Variants in FLRT2 observed in about 807,000 individuals in gnomAD.
FLRT2 encodes fibronectin leucine rich transmembrane protein 2, also known as leucine-rich repeat transmembrane protein FLRT2.
Under a neutral mutation model 40.0 loss-of-function variants are expected in FLRT2, and 15 were observed. The observed-to-expected ratio is 0.38, with a 90% confidence interval of 0.25 to 0.58. FLRT2 has a LOEUF of 0.58. Among genes scored for constraint, FLRT2 ranks in the 20% least tolerant of loss-of-function variants. The pLI is 0.71. For synonymous variants in FLRT2, 380 were observed against 336.8 expected (o/e 1.13, Z -1.41); for missense variants, 726 against 840.0 (o/e 0.86, Z 1.68).
intron 1 of FLRT2, among the ~76,000 whole-genome samples, chr14:85,534,886 A>G (rs915220486): frequency 1.4e-5 from 2 of 141,812 alleles, no homozygotes; most frequent in Non-Finnish European, 3.0e-5. Context: ...AAAGCAGCTC[A>G]GCGTTTGCTG....
At chr14:85,570,767 A>G (rs920316221) in intron 1 of FLRT2, among the ~76,000 whole-genome samples, 6 of 151,168 alleles carry the variant, frequency 4.0e-5, no homozygotes, top group Non-Finnish European at 7.4e-5. Context: ...ATTTTTTTTT[A>G]GTAGAGACGG....
rs781639291 is a variant in FLRT2 at position 85,630,285 on chromosome 14, C to CTTTTTTTTTTTTTTTTTTTT, written c.*6791_*6810dup. The CTTTTTTTTTTTTTTTTTTTT allele has an allele frequency of 1.1e-5, 1 of 93,456 alleles. No individual in the cohort carries two copies. The highest frequency in any genetic ancestry group is 2.0e-5 in the Non-Finnish European group (1 of 50,462). The allele number at this position is 93,456 out of a possible 1,614,324, so 5.8% of individuals were successfully genotyped here. A position where few individuals can be genotyped will look rare whatever the true frequency, so the allele number is the denominator to read the frequency against. ...CATACCAATGGGTGATCATATCTGT[C>CTTTTTTTTTTTTTTTTTTTT]TTTTTTTTTTTTTTTTTTTTTTGGT... On this transcript the variant is annotated 3_prime_UTR_variant, in exon 2 of 2. Coordinates refer to ENST00000330753, the MANE Select transcript of FLRT2 (RefSeq NM_013231.6).
rs1191489418 is a variant in FLRT2, at chr14:85,653,462, A to G, written c.*29965A>G. The G allele has an allele frequency of 6.6e-6, 1 of 152,178 alleles. No individual in the cohort carries two copies. Among genetic ancestry groups the G allele is most frequent in the Non-Finnish European group, 1.5e-5 (1 of 68,018 alleles). The allele number at this position is 152,178 out of a possible 1,614,324, so 9.4% of individuals were successfully genotyped here. Reference sequence around the variant, plus strand: ...ATAAACTTCCTAGCAAGTGATCTCTAGCATCTCAATTTAACTGTATCCTTT... The same window carrying G: ...ATAAACTTCCTAGCAAGTGATCTCTGGCATCTCAATTTAACTGTATCCTTT... On this transcript the variant is annotated 3_prime_UTR_variant, in exon 2 of 2. Coordinates refer to ENST00000330753, the MANE Select transcript of FLRT2 (RefSeq NM_013231.6).
rs1411232560 is a variant in FLRT2, at chr14:85,530,250, C to G, written c.-661C>G. 1.3e-5 allele frequency: 2 copies of G among 152,662 alleles called. No homozygotes were observed. Among genetic ancestry groups the G allele is most frequent in the Non-Finnish European group, 2.9e-5 (2 of 68,058 alleles). 9.5% of individuals were successfully genotyped at this position (152,662 alleles called of 1,614,324 possible). On this transcript the variant is annotated 5_prime_UTR_variant, in exon 1 of 2. Transcript: ENST00000330753. The stretch of plus-strand genomic sequence containing the variant: ...TATCATCAGTGCCCGCAAATCTCCG[C>G]GCCAAGGCGCTGAGCTACTCCTTTC...
At chr14:85,619,491 T>C (rs1037666146) in intron 1 of FLRT2, among the ~76,000 whole-genome samples, 3 of 152,016 alleles carry the variant, frequency 2.0e-5, no homozygotes, top group African/African-American at 7.2e-5. Context: ...AAAAAATGAG[T>C]TTTACCTTTT....
At chr14:85,609,808 C>T (rs150296397) in intron 1 of FLRT2, among the ~76,000 whole-genome samples, 43 of 152,304 alleles carry the variant, frequency 2.8e-4, no homozygotes, top group African/African-American at 9.6e-4. Context: ...CTTCTAGAAA[C>T]GTGTCAAACT....
chr14:85,538,816 G>A (rs1021897350), intron 1 of FLRT2, among the ~76,000 whole-genome samples: 2 of 152,026 alleles, frequency 1.3e-5, no homozygotes, highest in East Asian at 1.9e-4. Flanking sequence ...AACATTAGAC[G>A]CATATCAGTC....
chr14:85,591,784 G>A (rs1236084030), intron 1 of FLRT2, among the ~76,000 whole-genome samples: 1 of 152,132 alleles, frequency 6.6e-6, no homozygotes, highest in Non-Finnish European at 1.5e-5. Flanking sequence ...GCAACTAAAT[G>A]TTTCTTCTTA....
At chr14:85,534,311 C>T (rs916780529) in intron 1 of FLRT2, among the ~76,000 whole-genome samples, 3 of 152,154 alleles carry the variant, frequency 2.0e-5, no homozygotes, top group Admixed American at 6.5e-5. Flanking sequence ...TCATGGATTT[C>T]ACTTACCGCA....
chr14:85,568,827 A>G (rs1890756749), intron 1 of FLRT2, among the ~76,000 whole-genome samples: 1 of 152,158 alleles, frequency 6.6e-6, no homozygotes, highest in Admixed American at 6.5e-5. Context: ...AGATGCCATT[A>G]CGGACTTCAG....
intron 1 of FLRT2, among the ~76,000 whole-genome samples, chr14:85,593,972 G>A (rs1646224876): frequency 1.3e-5 from 2 of 151,940 alleles, no homozygotes; most frequent in Non-Finnish European, 1.5e-5. Flanking sequence ...AATCCAGGAG[G>A]CAGAGGTTGC....
In FLRT2 at chr14:85,648,399, ATATACT is replaced by A. The variant is rs1339713131; in HGVS notation, c.*24908_*24913del. ...AATGCGAACGAGGTTTCACCATTAA[ATATACT>A]TATACATTTGGAAAGGCAAAAATGA... On this transcript the variant is annotated 3_prime_UTR_variant, in exon 2 of 2. Transcript: ENST00000330753. 2 of 152,126 alleles carry A rather than the reference ATATACT, an allele frequency of 1.3e-5. No homozygotes were observed. The highest frequency in any genetic ancestry group is 6.6e-5 in the Admixed American group (1 of 15,256). The allele number at this position is 152,126 out of a possible 1,614,324, so 9.4% of individuals were successfully genotyped here.
rs59762325 is a variant in FLRT2 at position 85,652,522 on chromosome 14, CA to C, written c.*29031del. ...AACGTTCTTCATCTGATTAAACAAA[CA>C]AAAAACCCATCTTTATTTTTAGACT... On this transcript the variant is annotated 3_prime_UTR_variant, in exon 2 of 2. Coordinates refer to ENST00000330753, the MANE Select transcript of FLRT2 (RefSeq NM_013231.6). 4.0e-5 allele frequency: 6 copies of C among 151,764 alleles called. No individual in the cohort carries two copies. The highest frequency in any genetic ancestry group is 1.3e-4 in the Admixed American group (2 of 15,238). 9.4% of individuals were successfully genotyped at this position (151,764 alleles called of 1,614,324 possible).
intron 1 of FLRT2, among the ~76,000 whole-genome samples, chr14:85,532,964 G>C (rs1411820517): frequency 1.3e-5 from 2 of 152,192 alleles, no homozygotes; most frequent in Non-Finnish European, 2.9e-5. Context: ...GGAACGGCAT[G>C]TGCCGGGTAG....
At chr14:85,618,600 T>A (rs1893239465) in intron 1 of FLRT2, among the ~76,000 whole-genome samples, 1 of 152,180 alleles carries the variant, frequency 6.6e-6, no homozygotes, top group South Asian at 2.1e-4. Flanking sequence ...ACCCAGAAGA[T>A]GTAATTTACA....
Position 85,648,135 on chromosome 14 carries a change from C to G in FLRT2, c.*24638C>G, listed in dbSNP as rs1394447393. ...ACCCAGCTATAGATTCAGTGACTAA[C>G]AAAATTTGGGGACAGTGTAAGCCTC... On this transcript the variant is annotated 3_prime_UTR_variant, in exon 2 of 2. Coordinates refer to ENST00000330753, the MANE Select transcript of FLRT2 (RefSeq NM_013231.6). The G allele has an allele frequency of 6.6e-6, 1 of 152,086 alleles. No homozygotes were observed. The highest frequency in any genetic ancestry group is 2.4e-5 in the African/African-American group (1 of 41,418). 9.4% of individuals were successfully genotyped at this position (152,086 alleles called of 1,614,324 possible).
At chr14:85,565,397 A>T (rs74068764) in intron 1 of FLRT2, among the ~76,000 whole-genome samples, 1 of 152,116 alleles carries the variant, frequency 6.6e-6, no homozygotes, top group Admixed American at 6.5e-5. Flanking sequence ...GACAGGTGGA[A>T]TCTACAATTG....
chr14:85,534,446 G>GA (rs1166479501), intron 1 of FLRT2, among the ~76,000 whole-genome samples: 1 of 152,102 alleles, frequency 6.6e-6, no homozygotes, highest in East Asian at 1.9e-4. Flanking sequence ...AAGCAAAGAG[G>GA]AAAAAATATC....
At chr14:85,615,049 A>G (rs908443337) in intron 1 of FLRT2, among the ~76,000 whole-genome samples, 1 of 152,176 alleles carries the variant, frequency 6.6e-6, no homozygotes, top group Admixed American at 6.5e-5. Flanking sequence ...CTACCCAACC[A>G]GTTGCTATCA....
Sources: allele counts gnomAD v4.1 joint callset (sites outside exome capture counted in the v4.1 genomes callset), GRCh38; gene constraint gnomAD v4.1.1; transcripts MANE v1.5; gene names NCBI Gene and HGNC (gene_info 2026-07-23, HGNC 2026-07-21).